CWC27: variants seen among roughly 807,000 people sequenced by gnomAD.
CWC27 encodes the protein spliceosome-associated protein CWC27 homolog.
In CWC27, 47 loss-of-function variants were observed where a neutral mutation model predicts 63.6. The ratio of observed to expected loss-of-function variants is 0.74; its 90% CI spans 0.58 to 0.94. The LOEUF is 0.94. Ranked by LOEUF, CWC27 falls within the 40% of genes least tolerant of loss-of-function variation. CWC27 has a pLI of 0.00. For missense variants in CWC27, 495 were observed against 554.3 expected, an observed-to-expected ratio of 0.89 and a Z score of 1.07; for synonymous variants, 175 against 179.8, an observed-to-expected ratio of 0.97 and a Z score of 0.22.
chr5:65,001,707 T>C (rs1359384081), intron 13 of CWC27, among the ~76,000 whole-genome samples: 3 of 152,090 alleles, frequency 2.0e-5, no homozygotes, highest in African/African-American at 4.8e-5. Flanking sequence ...TGATGCGTTG[T>C]TGGATATGCT....
intron 10 of CWC27, 56 bp downstream of exon 10, chr5:64,804,442 A>C (rs548145437): frequency 6.9e-7 from 1 of 1,457,962 alleles, no homozygotes; most frequent in Non-Finnish European, 9.2e-7. Flanking sequence ...ATTTCACTTT[A>C]ATTCAGATTG....
intron 11 of CWC27, among the ~76,000 whole-genome samples, chr5:64,910,062 G>C (rs958103733): frequency 3.9e-5 from 6 of 152,148 alleles, no homozygotes; most frequent in African/African-American, 1.4e-4. Context: ...CATCTTTGTG[G>C]TTTTATCTAC....
intron 7 of CWC27, 128 bp from the exon 8 acceptor site, chr5:64,800,120 A>G: frequency 1.9e-6 from 1 of 533,574 alleles, no homozygotes; most frequent in Non-Finnish European, 3.2e-6. Context: ...TTTGTATTAA[A>G]CTTTTCAGGA....
At chr5:64,909,496 G>C (rs1054248773) in intron 11 of CWC27, among the ~76,000 whole-genome samples, 1 of 152,112 alleles carries the variant, frequency 6.6e-6, no homozygotes, top group Non-Finnish European at 1.5e-5. Context: ...TGCTAGATTG[G>C]GGAAGTTCTC....
chr5:64,783,802 C>G (rs772372537), intron 3 of CWC27, 34 bp from the exon 4 acceptor site: 36 of 1,519,464 alleles, frequency 2.4e-5, no homozygotes, highest in Non-Finnish European at 3.1e-5. Flanking sequence ...GGTCTTATAA[C>G]TGAGGACATT....
At chr5:64,972,762 C>G in intron 12 of CWC27, 1 of 435,354 alleles carries the variant, frequency 2.3e-6, no homozygotes, top group South Asian at 1.6e-5. Context: ...ATTCCTTCCC[C>G]CTCCCCCCAT....
intron 13 of CWC27, among the ~76,000 whole-genome samples, chr5:65,016,391 C>T (rs1184290400): frequency 2.6e-5 from 4 of 151,994 alleles, no homozygotes; most frequent in Non-Finnish European, 4.4e-5. Context: ...ATCTCAGCTC[C>T]TTGGGAGGCT....
chr5:65,009,045 A>G (rs1389818043), intron 13 of CWC27, among the ~76,000 whole-genome samples: 1 of 152,132 alleles, frequency 6.6e-6, no homozygotes, highest in Non-Finnish European at 1.5e-5. Context: ...TCTGCAGGCT[A>G]TACAAGAAGG....
chr5:64,896,740 TA>T (rs963451231), intron 11 of CWC27, among the ~76,000 whole-genome samples: 1 of 150,440 alleles, frequency 6.6e-6, no homozygotes, highest in Non-Finnish European at 1.5e-5. Flanking sequence ...ACTGGCAGGA[TA>T]TTTTTTAAAA....
chr5:64,772,624 CAAAAAA>C (rs58675990), intron 1 of CWC27, among the ~76,000 whole-genome samples: 3 of 52,144 alleles, frequency 5.8e-5, no homozygotes, highest in African/African-American at 1.4e-4. Flanking sequence ...GACTCTGTCT[CAAAAAA>C]AAAAAAAAAA....
intron 10 of CWC27, among the ~76,000 whole-genome samples, chr5:64,810,370 C>T (rs1744840493): frequency 6.6e-6 from 1 of 151,988 alleles, no homozygotes; most frequent in Non-Finnish European, 1.5e-5. Context: ...ATTGCTTAGG[C>T]TATTTGGGGT....
chr5:64,779,608 G>C (rs1743589716), intron 2 of CWC27, among the ~76,000 whole-genome samples: 1 of 152,060 alleles, frequency 6.6e-6, no homozygotes, highest in African/African-American at 2.4e-5. Context: ...TGTGCAGCCG[G>C]CACCTCTATG....
At position 64,843,282 on chromosome 5, in the gene CWC27, A is replaced by G. The variant is rs532795234; in HGVS notation, c.938+38896A>G. 6.6e-5 allele frequency among the ~76,000 whole-genome samples: 10 copies of G among 152,332 alleles called. No individual in the cohort carries two copies. The East Asian group carries it at 1.5e-3, about 23-fold the overall frequency. On this transcript the variant is annotated intron_variant, in intron 10 of 13. Transcript: ENST00000381070. ...TTGTGACTCTGAAAAGCCCACTACC[A>G]TATGTTATCAGGAAACTCAAGAGAG...
intron 11 of CWC27, among the ~76,000 whole-genome samples, chr5:64,912,915 T>C (rs1249837910): frequency 1.3e-5 from 2 of 152,198 alleles, no homozygotes; most frequent in Non-Finnish European, 2.9e-5. Flanking sequence ...CAATTTGTTA[T>C]TCGGTTTATG....
At chr5:64,880,784 A>C (rs2112337122) in intron 10 of CWC27, among the ~76,000 whole-genome samples, 1 of 151,834 alleles carries the variant, frequency 6.6e-6, no homozygotes, top group Middle Eastern at 3.4e-3. Context: ...AAGCATATTA[A>C]AATTCAAATG....
chr5:64,908,291 T>A (rs1205292760), intron 11 of CWC27, among the ~76,000 whole-genome samples: 3 of 152,162 alleles, frequency 2.0e-5, no homozygotes, highest in African/African-American at 7.2e-5. Flanking sequence ...TGCTGAGGAG[T>A]GCTTTACTTC....
chr5:64,851,135 CGGACTCAACTTAA>C (rs2112296940), intron 10 of CWC27, among the ~76,000 whole-genome samples: 1 of 152,308 alleles, frequency 6.6e-6, no homozygotes, highest in South Asian at 2.1e-4. Context: ...CGCCAAGTTA[CGGACTCAACTTAA>C]GTGTCCATAA....
chr5:64,776,318 G>T (rs183662724), intron 2 of CWC27, among the ~76,000 whole-genome samples: 127 of 152,152 alleles, frequency 8.3e-4, no homozygotes, highest in African/African-American at 2.9e-3. Context: ...TTTACAGAAG[G>T]AGAGTAAAAT....
chr5:64,994,794 A>G (rs1324389568), intron 13 of CWC27, among the ~76,000 whole-genome samples: 1 of 152,196 alleles, frequency 6.6e-6, no homozygotes, highest in African/African-American at 2.4e-5. Flanking sequence ...TCCTTACCCT[A>G]GAATTATGTG....
Sources: gnomAD v4.1 joint callset for allele counts (sites outside exome capture counted in the v4.1 genomes callset) on GRCh38, gnomAD v4.1.1 for gene constraint, MANE v1.5 for transcripts, NCBI Gene and HGNC (gene_info 2026-07-23, HGNC 2026-07-21) for gene names.